The following PIAS3 variants were observed in gnomAD, a reference collection of about 807,000 sequenced individuals.
PIAS3 encodes the protein protein inhibitor of activated STAT 3.
In PIAS3, 34 loss-of-function variants were observed where a neutral mutation model predicts 67.6. The ratio of observed to expected loss-of-function variants is 0.50; its 90% CI spans 0.38 to 0.67. PIAS3 has a LOEUF of 0.67. Ranked by LOEUF, PIAS3 falls within the 30% of genes least tolerant of loss-of-function variation. PIAS3 has a pLI of 0.00. For missense variants in PIAS3, 693 were observed against 791.6 expected (o/e 0.88, Z 1.49); for synonymous variants, 341 against 313.8 (o/e 1.09, Z -0.92).
chr1:145,857,877 G>A (rs977010921), intron 1 of PIAS3, among the ~76,000 whole-genome samples: 1 of 152,160 alleles, frequency 6.6e-6, no homozygotes, highest in African/African-American at 2.4e-5. Context: ...AGAGGGCAGA[G>A]CTCTAAACAG....
intron 9 of PIAS3, among the ~76,000 whole-genome samples, chr1:145,853,098 T>A (rs1356162317): frequency 2.7e-5 from 4 of 150,932 alleles, no homozygotes; most frequent in Admixed American, 2.6e-4. Flanking sequence ...CTGAAGGAGG[T>A]GGTGGCTAAA....
chr1:145,850,542 G>A lies in PIAS3; in HGVS notation c.1493C>T (p.Pro498Leu). Reference protein sequence around the residue: ...GHQPSSVLRSPAMGTLGGDFL... With the variant: ...GHQPSSVLRSLAMGTLGGDFL... The stretch of plus-strand genomic sequence containing the variant: ...ATCCCCACCCAACGTGCCCATAGCA[G>A]GGCTCCTTAGCACCGAGGATGGCTG... Residue 498 changes from proline (P) to leucine (L), a missense_variant, in exon 12 of 14, where the codon CCT (proline) becomes CTT (leucine). By Grantham distance (98) the Pro-to-Leu change is moderately conservative. This residue lies in a region of PIAS3 where 270 missense variants were observed against 261.0 expected (regional missense o/e 1.03). Transcript: ENST00000393045. 1 of 1,614,228 alleles carries A rather than the reference G, an allele frequency of 6.2e-7. No homozygotes were observed. The highest frequency in any genetic ancestry group is 8.5e-7 in the Non-Finnish European group (1 of 1,180,046).
At position 145,853,620 on chromosome 1, in the gene PIAS3, G is replaced by A. The variant is rs782586555; in HGVS notation, c.1029C>T (p.Cys343=). The change falls in exon 9 of 14, where the codon TGC becomes TGT. Residue 343 remains cysteine (C), a synonymous_variant. Transcript: ENST00000393045. The stretch of plus-strand genomic sequence containing the variant: ...CAGCATCGAAGCTCTGCAGGTGGGC[G>A]CAGGTGAGGGCACGACAAGGGACAG... ...RLTVPCRALT[C]AHLQSFDAAL... The A allele has an allele frequency of 6.8e-6, 11 of 1,613,980 alleles. No homozygotes were observed. Among genetic ancestry groups the A allele is most frequent in the Middle Eastern group, 1.6e-4 (1 of 6,062 alleles).
In PIAS3 at chr1:145,856,903, T is replaced by G; in HGVS notation, c.128A>C (p.His43Pro). 1 of 1,614,088 alleles carries G rather than the reference T, an allele frequency of 6.2e-7. No individual in the cohort carries two copies. Among genetic ancestry groups the G allele is most frequent in the Non-Finnish European group, 8.5e-7 (1 of 1,179,996 alleles). The change falls in exon 2 of 14, where the codon CAC becomes CCC. Residue 43 changes from histidine to proline, a missense_variant. By Grantham distance (77) the His-to-Pro change is moderately conservative. Around this residue, in one of 3 missense-constraint regions of PIAS3, gnomAD observed 308 missense variants for 348.8 expected, o/e 0.88. Transcript: ENST00000393045. ...AGGGGCACAGCTGGACTTCAGGAGG[T>G]GCAGAGCCTTGGCCAGGAGCTCGTG... is the stretch of plus-strand genomic sequence containing the variant. ...RKHELLAKAL[H>P]LLKSSCAPSV... is the part of the protein sequence containing the mutation.
Position 145,849,530 on chromosome 1 carries a change from C to T in PIAS3, c.1803G>A (p.Gly601=). 6.3e-7 allele frequency: 1 copy of T among 1,583,426 alleles called. No homozygotes were observed. Among genetic ancestry groups the T allele is most frequent in the South Asian group, 1.1e-5 (1 of 87,394 alleles). ...GTCCTCCATGCCCCTCCCTCAAGGC[C>T]CCCCCAGGGGCCACAATGCTGCTGA... The part of the protein sequence containing the change: ...GRVSSIVAPG[G]ALREGHGGPL... The change falls in exon 14 of 14, where the codon GGG becomes GGA. Residue 601 remains glycine (G), a synonymous_variant. Transcript: ENST00000393045.
chr1:145,852,339 G>A (rs1208895955), intron 9 of PIAS3, among the ~76,000 whole-genome samples: 1 of 152,178 alleles, frequency 6.6e-6, no homozygotes, highest in Non-Finnish European at 1.5e-5. Flanking sequence ...GTTAAGACTA[G>A]CAAGATCAAA....
chr1:145,857,234 T>G, intron 1 of PIAS3: 1 of 566,022 alleles, frequency 1.8e-6, no homozygotes, highest in Middle Eastern at 4.7e-4. Context: ...CCCCCGAGCT[T>G]GAGCAACACT....
At position 145,853,826 on chromosome 1, in the gene PIAS3, G is replaced by T. The variant is rs1553734893; in HGVS notation, c.971C>A (p.Ser324Ter). The T allele has an allele frequency of 6.2e-7, 1 of 1,614,000 alleles. No homozygotes were observed. Among genetic ancestry groups the T allele is most frequent in the Admixed American group, 1.7e-5 (1 of 60,026 alleles). The part of the protein sequence containing the change: ...SEVATTSLRV[S>*]LMCPLGKMRL... ...CCTTTTACCCACCGGGCACATGAGTGACACCCGGAGACTTGTAGTGGCCAC... is the reference window on the plus strand; with the variant it reads ...CCTTTTACCCACCGGGCACATGAGTTACACCCGGAGACTTGTAGTGGCCAC... The change falls in exon 8 of 14, where the codon TCA (serine) becomes TAA (stop). Residue 324 changes from serine to a stop codon, truncating the protein, a stop_gained. Coordinates refer to ENST00000393045, the MANE Select transcript of PIAS3 (RefSeq NM_006099.3). LOFTEE classifies it high-confidence loss of function.
In PIAS3 at chr1:145,850,559, G is replaced by A. The variant is rs782604071; in HGVS notation, c.1476C>T (p.Ser492=). The change falls in exon 12 of 14, where the codon TCC becomes TCT. Residue 492 remains serine (S), a synonymous_variant. Coordinates refer to ENST00000393045, the MANE Select transcript of PIAS3 (RefSeq NM_006099.3). ...KGVLTSGHQP[S]SVLRSPAMGT... ...CCATAGCAGGGCTCCTTAGCACCGAGGATGGCTGGTGGCCAGATGTCAGGA... is the reference window on the plus strand; with the variant it reads ...CCATAGCAGGGCTCCTTAGCACCGAAGATGGCTGGTGGCCAGATGTCAGGA... 6.2e-7 allele frequency: 1 copy of A among 1,614,226 alleles called. No homozygotes were observed. Among genetic ancestry groups the A allele is most frequent in the South Asian group, 1.1e-5 (1 of 91,084 alleles).
chr1:145,855,310 C>T (rs782759038), intron 5 of PIAS3, among the ~76,000 whole-genome samples: 3 of 151,960 alleles, frequency 2.0e-5, no homozygotes, highest in African/African-American at 7.2e-5. Context: ...GGTAAAACTC[C>T]GTCTCTACTA....
Position 145,859,066 on chromosome 1 carries a change from G to A in PIAS3, c.-76C>T, listed in dbSNP as rs1653318356. 4 of 1,455,940 alleles carry A rather than the reference G, an allele frequency of 2.7e-6. No homozygotes were observed. The highest frequency in any genetic ancestry group is 3.7e-6 in the Non-Finnish European group (4 of 1,086,178). The allele number at this position is 1,455,940 out of a possible 1,614,324, so 90.2% of individuals were successfully genotyped here. On this transcript the variant is annotated 5_prime_UTR_variant, in exon 1 of 14. Transcript: ENST00000393045. ...CCGGCGCACAACTCTCCACCCTGGC[G>A]CCGGCCGCAAATGCCGCCTGCTCCG...
intron 9 of PIAS3, among the ~76,000 whole-genome samples, chr1:145,851,830 G>A (rs587665486): frequency 1.7e-4 from 25 of 146,706 alleles, no homozygotes; most frequent in African/African-American, 5.8e-4. Flanking sequence ...GCACATGCCT[G>A]TAATCCCAGC....
At position 145,856,068 on chromosome 1, in the gene PIAS3, C is replaced by G; in HGVS notation, c.578G>C (p.Arg193Thr). Residue 193 changes from arginine to threonine, a missense_variant and splice_region_variant, in exon 4 of 14, where the codon AGG becomes ACG. Around this residue, in one of 3 missense-constraint regions of PIAS3, gnomAD observed 308 missense variants for 348.8 expected, o/e 0.88. Coordinates refer to ENST00000393045, the MANE Select transcript of PIAS3 (RefSeq NM_006099.3). ...GGATAGGCAGGGAGGATGAACTCAC[C>G]TTAGCTGCACCTGTATGGTATAATC... ...KCDYTIQVQLRFCLCETSCPQ... is the reference protein window; with the variant it reads ...KCDYTIQVQLTFCLCETSCPQ... 6.2e-7 allele frequency: 1 copy of G among 1,613,646 alleles called. No homozygotes were observed.
At chr1:145,853,287 G>A (rs1653031524) in intron 9 of PIAS3, among the ~76,000 whole-genome samples, 1 of 151,940 alleles carries the variant, frequency 6.6e-6, no homozygotes, top group South Asian at 2.1e-4. Context: ...GTGGGTGCCT[G>A]TAATCCCAGC....
chr1:145,858,926 C>T (rs1553736121), intron 1 of PIAS3, 41 bp downstream of exon 1: 1 of 1,475,002 alleles, frequency 6.8e-7, no homozygotes, highest in Non-Finnish European at 9.0e-7. Context: ...GGCGTACCGC[C>T]GGGCTGAGTC....
At chr1:145,857,313 AC>A (rs781988782) in intron 1 of PIAS3, 22 of 408,994 alleles carry the variant, frequency 5.4e-5, no homozygotes, top group African/African-American at 4.0e-4. Flanking sequence ...CCTCAGACAC[AC>A]CTCCGAGTCC....
At chr1:145,850,298 C>T in intron 12 of PIAS3, 29 bp from the exon 13 acceptor site, 1 of 1,614,196 alleles carries the variant, frequency 6.2e-7, no homozygotes, top group Non-Finnish European at 8.5e-7. Flanking sequence ...TCAAAATTAA[C>T]CTCCTATCTG....
Position 145,857,018 on chromosome 1 carries a change from AAC to A in PIAS3, c.25-14_25-13del, listed in dbSNP as rs587659460. On this transcript the variant is annotated splice_polypyrimidine_tract_variant and intron_variant, in intron 1 of 13. Coordinates refer to ENST00000393045, the MANE Select transcript of PIAS3 (RefSeq NM_006099.3). The stretch of plus-strand genomic sequence containing the variant: ...CTCATCACCATGTGCTGTGGAGAAA[AAC>A]AGAGAAGCTTGAGCATCCTCCCTTG... 96 of 1,611,722 alleles carry A rather than the reference AAC, an allele frequency of 6.0e-5. No individual in the cohort carries two copies. The East Asian group carries it at 2.0e-3, about 34-fold the overall frequency.
chr1:145,851,239 T>G (rs1159473268), intron 9 of PIAS3, 86 bp from the exon 10 acceptor site: 13 of 1,329,648 alleles, frequency 9.8e-6, no homozygotes, highest in Admixed American at 1.8e-5. Context: ...TTCCTGTATC[T>G]CAGTTTCCTC....
Sources: gnomAD v4.1 joint callset for allele counts (sites outside exome capture counted in the v4.1 genomes callset) on GRCh38, gnomAD v4.1.1 for gene constraint, gnomAD v4.1.1 regional missense constraint, MANE v1.5 for transcripts, NCBI Gene and HGNC (gene_info 2026-07-23, HGNC 2026-07-21) for gene names.